PLA2R1: variants seen among roughly 807,000 people sequenced by gnomAD.
The protein encoded by PLA2R1 is secretory phospholipase A2 receptor.
PLA2R1 carries 158 observed loss-of-function variants against 195.9 expected under a neutral mutation model. That is an observed-to-expected ratio of 0.81 (90% confidence interval 0.71 to 0.92). PLA2R1 has a LOEUF of 0.92. Among genes scored for constraint, PLA2R1 ranks in the 40% least tolerant of loss-of-function variants. The probability of loss-of-function intolerance (pLI) is 0.00; values close to 1 mark genes in which losing one functional copy is unlikely to be tolerated. For synonymous variants in PLA2R1, 586 were observed against 598.2 expected (o/e 0.98, Z 0.30); for missense variants, 1,626 against 1,764.6 (o/e 0.92, Z 1.41).
the PLA2R1 span, among the ~76,000 whole-genome samples, chr2:159,925,408 A>G: frequency 6.6e-6 from 1 of 152,164 alleles, no homozygotes; most frequent in African/African-American, 2.4e-5. Context: ...TTGGGCTCTT[A>G]TGTATAAATA....
chr2:159,982,216 T>C (rs1370752129), intron 13 of PLA2R1, among the ~76,000 whole-genome samples: 2 of 152,230 alleles, frequency 1.3e-5, no homozygotes, highest in African/African-American at 2.4e-5. Context: ...CTTTGAACAA[T>C]GGAGACTATC....
At chr2:159,928,687 C>T (rs1384990495), downstream of PLA2R1, among the ~76,000 whole-genome samples, 3 of 152,036 alleles carry the variant, frequency 2.0e-5, no homozygotes, top group Non-Finnish European at 4.4e-5. Context: ...AAAAAAGAAC[C>T]CACATAGCCA....
At position 159,969,324 on chromosome 2, in the gene PLA2R1, C is replaced by A; in HGVS notation, c.2696G>T (p.Trp899Leu). 6.2e-7 allele frequency: 1 copy of A among 1,607,714 alleles called. No individual in the cohort carries two copies. Among genetic ancestry groups the A allele is most frequent in the South Asian group, 1.1e-5 (1 of 90,914 alleles). Residue 899 changes from tryptophan (W) to leucine (L), a missense_variant, in exon 19 of 30, where the codon TGG becomes TTG. Trp to Leu is a moderately conservative substitution (Grantham distance 61). Transcript: ENST00000283243. ...CACAGTTCTTTCTCTTCCTGTGTCC[C>A]AGTTCTGGTATATCACTGGTGTTCC... ...RDGTPVIYQNWDTGRERTVNN... is the reference protein window; with the variant it reads ...RDGTPVIYQNLDTGRERTVNN...
Position 159,936,335 on chromosome 2 carries a change from TATTGTTAGTATACAATTG to T in PLA2R1, c.*5425_*5442del, listed in dbSNP as rs1396175081. ...TTCTATATTGAGTTGTCATTTCAAT[TATTGTTAGTATACAATTG>T]ATCAGAACAAAATAAATATGTTACA... On this transcript the variant is annotated 3_prime_UTR_variant, in exon 30 of 30. Coordinates refer to ENST00000283243, the MANE Select transcript of PLA2R1 (RefSeq NM_007366.5). The T allele has an allele frequency of 1.3e-5, 2 of 152,240 alleles. No homozygotes were observed. The highest frequency in any genetic ancestry group is 2.9e-5 in the Non-Finnish European group (2 of 68,044). 9.4% of individuals were successfully genotyped at this position (152,240 alleles called of 1,614,324 possible).
chr2:160,010,849 G>A (rs1026987538), intron 10 of PLA2R1, among the ~76,000 whole-genome samples: 1 of 152,138 alleles, frequency 6.6e-6, no homozygotes, highest in African/African-American at 2.4e-5. Flanking sequence ...TGGAGTTGCT[G>A]CTTTGAATGT....
At position 159,953,561 on chromosome 2, in the gene PLA2R1, C is replaced by T. The variant is rs146684234; in HGVS notation, c.3301+1638G>A. Among the ~76,000 whole-genome samples, 880 of 152,302 alleles carry T rather than the reference C, an allele frequency of 5.8e-3. 2 individuals carry two copies. Among genetic ancestry groups the T allele is most frequent in the Non-Finnish European group, 8.0e-3 (544 of 68,018 alleles). On this transcript the variant is annotated intron_variant, in intron 23 of 29. Transcript: ENST00000283243. ...TGGCTATTACCACATTTTGCAGATG[C>T]AGAAATCATGATCACAGAAGATAAG...
the PLA2R1 span, among the ~76,000 whole-genome samples, chr2:159,924,000 T>G: frequency 6.7e-6 from 1 of 149,488 alleles, no homozygotes; most frequent in Non-Finnish European, 1.5e-5. Context: ...TCAGGTATCA[T>G]TGGGTTGAAA....
intron 20 of PLA2R1, among the ~76,000 whole-genome samples, chr2:159,957,136 AAGTCT>A (rs1323098584): frequency 6.6e-6 from 1 of 152,170 alleles, no homozygotes; most frequent in Non-Finnish European, 1.5e-5. Context: ...TTTGGTCACT[AAGTCT>A]ATTGGGAAGA....
chr2:159,925,224 C>T, the PLA2R1 span, among the ~76,000 whole-genome samples: 52 of 151,794 alleles, frequency 3.4e-4, 1 homozygote, highest in South Asian at 6.2e-4. Flanking sequence ...TAGGATCTTG[C>T]ATGTCTTAAT....
chr2:159,942,306 T>C, intron 28 of PLA2R1, 147 bp from the exon 29 acceptor site: 1 of 637,372 alleles, frequency 1.6e-6, no homozygotes, highest in South Asian at 2.0e-5. Context: ...ACTCATTCAT[T>C]GATGTATTGT....
chr2:159,946,787 C>A lies in PLA2R1; in HGVS notation c.3967+14G>T. ...GTATTTATTTATGTCCTCTCCTCTA[C>A]CCAAATCACTTACTGTTACCATCAA... On this transcript the variant is annotated intron_variant, in intron 27 of 29. Coordinates refer to ENST00000283243, the MANE Select transcript of PLA2R1 (RefSeq NM_007366.5). 1 of 1,599,704 alleles carries A rather than the reference C, an allele frequency of 6.3e-7. No homozygotes were observed. The highest frequency in any genetic ancestry group is 8.5e-7 in the Non-Finnish European group (1 of 1,176,312).
chr2:159,987,473 G>C (rs1690435980), intron 11 of PLA2R1, 115 bp from the exon 12 acceptor site: 2 of 688,812 alleles, frequency 2.9e-6, no homozygotes, highest in Non-Finnish European at 5.0e-6. Context: ...ACCCAGACAA[G>C]AGCAATCAAG....
In PLA2R1 at chr2:159,947,577, T is replaced by C; in HGVS notation, c.3710-18A>G. On this transcript the variant is annotated intron_variant, in intron 25 of 29. Transcript: ENST00000283243. ...TCTTGTTTCTGTGAAGAAAAGCCAG[T>C]TATGATTTCAGGGTGGTGACTGGGT... is the stretch of plus-strand genomic sequence containing the variant. The C allele has an allele frequency of 6.2e-7, 1 of 1,611,764 alleles. No individual in the cohort carries two copies. The highest frequency in any genetic ancestry group is 1.1e-5 in the South Asian group (1 of 90,628).
rs777722166 is a variant in PLA2R1 at position 160,022,736 on chromosome 2, G to T, written c.1223C>A (p.Ala408Asp). 1 of 1,613,612 alleles carries T rather than the reference G, an allele frequency of 6.2e-7. No individual in the cohort carries two copies. Among genetic ancestry groups the T allele is most frequent in the Admixed American group, 1.7e-5 (1 of 60,008 alleles). The change falls in exon 7 of 30, where the codon GCT becomes GAT. Residue 408 changes from alanine to aspartate, a missense_variant. Physicochemically the swap from Ala to Asp is moderately radical, Grantham distance 126. Transcript: ENST00000283243. ...TWHEALRSCQ[A>D]DNSALIDITS... ...TATGTCTATTAATGCACTGTTATCAGCCTGACAAGAACGCAGAGCCTCATG... is the reference window on the plus strand; with the variant it reads ...TATGTCTATTAATGCACTGTTATCATCCTGACAAGAACGCAGAGCCTCATG...
At chr2:160,001,537 A>T (rs79510369) in intron 11 of PLA2R1, among the ~76,000 whole-genome samples, 13,355 of 152,040 alleles carry the variant, frequency 0.088, 1,629 homozygotes, top group African/African-American at 0.27. Flanking sequence ...AGAGTTTTAA[A>T]AATTTAGTTA....
In PLA2R1 at chr2:160,014,234, C is replaced by CT. The variant is rs5835787; in HGVS notation, c.1552-860dup. 4.1e-3 allele frequency among the ~76,000 whole-genome samples: 528 copies of CT among 129,424 alleles called. 2 individuals carry two copies. The highest frequency in any genetic ancestry group is 0.011 in the African/African-American group (418 of 36,902). 84.9% of individuals were successfully genotyped at this position (129,424 alleles called of 152,430 possible). A position where few individuals can be genotyped will look rare whatever the true frequency, so the allele number is the denominator to read the frequency against. ...ATATATGTATTTTTTCTTTTTCTTT[C>CT]TTTTTTTTTTTTTTTGTAAAGATTA... On this transcript the variant is annotated intron_variant, in intron 9 of 29. Transcript: ENST00000283243.
intron 17 of PLA2R1, among the ~76,000 whole-genome samples, chr2:159,972,063 C>T (rs1253504897): frequency 1.3e-5 from 2 of 152,086 alleles, no homozygotes; most frequent in Non-Finnish European, 2.9e-5. Flanking sequence ...GTTTCATGTG[C>T]CACGGGACTG....
intron 1 of PLA2R1, among the ~76,000 whole-genome samples, chr2:160,056,937 G>C (rs1429372848): frequency 2.0e-5 from 3 of 152,126 alleles, no homozygotes; most frequent in Admixed American, 2.0e-4. Flanking sequence ...ACATGTCACT[G>C]CTTCTTGTTT....
intron 11 of PLA2R1, among the ~76,000 whole-genome samples, chr2:159,998,422 T>C (rs534690239): frequency 6.6e-6 from 1 of 152,164 alleles, no homozygotes; most frequent in Admixed American, 6.6e-5. Context: ...GAGCTGGAAT[T>C]TGAACTTTAG....
Sources: allele counts gnomAD v4.1 joint callset (sites outside exome capture counted in the v4.1 genomes callset), GRCh38; gene constraint gnomAD v4.1.1; transcripts MANE v1.5; gene names NCBI Gene and HGNC (gene_info 2026-07-23, HGNC 2026-07-21).